HPSE2: variants seen among roughly 807,000 people sequenced by gnomAD.
The protein encoded by HPSE2 is inactive heparanase-2.
In HPSE2, 38 loss-of-function variants were observed where a neutral mutation model predicts 60.5. That is an observed-to-expected ratio of 0.63 (90% confidence interval 0.48 to 0.82). The LOEUF (loss-of-function observed/expected upper bound fraction) is 0.82, where lower values mean the gene tolerates loss of function less well. HPSE2 is among the 40% of genes least tolerant of loss of function. The probability of loss-of-function intolerance (pLI) is 0.00; values close to 1 mark genes in which losing one functional copy is unlikely to be tolerated. For synonymous variants in HPSE2, 295 were observed against 293.2 expected (o/e 1.01, Z -0.06); for missense variants, 713 against 740.4 (o/e 0.96, Z 0.43).
intron 6 of HPSE2, among the ~76,000 whole-genome samples, chr10:98,666,775 AC>A (rs962058546): frequency 1.3e-5 from 2 of 152,182 alleles, no homozygotes; most frequent in African/African-American, 4.8e-5. Flanking sequence ...TTGGGATGCC[AC>A]TAAAGTGGTG....
chr10:98,761,700 CA>C (rs1565144533), intron 3 of HPSE2, among the ~76,000 whole-genome samples: 1 of 152,062 alleles, frequency 6.6e-6, no homozygotes. Flanking sequence ...ATACAAATGG[CA>C]ATGACCTAAG....
chr10:98,889,486 G>C (rs1953271927), intron 3 of HPSE2, among the ~76,000 whole-genome samples: 1 of 152,048 alleles, frequency 6.6e-6, no homozygotes, highest in Non-Finnish European at 1.5e-5. Flanking sequence ...GGGATTACAG[G>C]CGTGAGCCAC....
chr10:98,868,273 T>G (rs1376049324), intron 3 of HPSE2, among the ~76,000 whole-genome samples: 1 of 151,968 alleles, frequency 6.6e-6, no homozygotes, highest in Non-Finnish European at 1.5e-5. Flanking sequence ...TTCTCACTTA[T>G]TTGTGTGATC....
intron 9 of HPSE2, among the ~76,000 whole-genome samples, chr10:98,523,941 A>G (rs1228008529): frequency 1.3e-5 from 2 of 152,146 alleles, no homozygotes; most frequent in Non-Finnish European, 2.9e-5. Context: ...TTGGACCAGA[A>G]AGTACAATAG....
intron 3 of HPSE2, among the ~76,000 whole-genome samples, chr10:98,779,559 C>T (rs1950419349): frequency 6.6e-6 from 1 of 152,106 alleles, no homozygotes; most frequent in South Asian, 2.1e-4. Context: ...CTCCTCTACC[C>T]ACATAAGCTC....
the HPSE2 span, among the ~76,000 whole-genome samples, chr10:99,308,398 G>GAAAAAAAAAAAAA: frequency 9.7e-4 from 55 of 56,428 alleles, no homozygotes; most frequent in Non-Finnish European, 1.4e-3. Context: ...AAAAAAAAAG[G>GAAAAAAAAAAAAA]AAACCATCAA....
chr10:99,136,914 T>G (rs979585272), intron 3 of HPSE2, among the ~76,000 whole-genome samples: 3 of 152,060 alleles, frequency 2.0e-5, no homozygotes, highest in East Asian at 1.9e-4. Flanking sequence ...AAGAAAGAAA[T>G]AAAGCGTATT....
At chr10:98,537,349 C>T (rs916495753) in intron 9 of HPSE2, among the ~76,000 whole-genome samples, 3 of 151,830 alleles carry the variant, frequency 2.0e-5, no homozygotes, top group South Asian at 2.1e-4. Context: ...TGAGTGTGGG[C>T]GGAGGATTAC....
chr10:98,631,848 T>C (rs890566732), intron 7 of HPSE2, among the ~76,000 whole-genome samples: 8 of 152,326 alleles, frequency 5.3e-5, no homozygotes, highest in African/African-American at 1.7e-4. Flanking sequence ...CCTAATATCA[T>C]GATACTCAAC....
rs555662453 is a variant in HPSE2 at position 98,630,200 on chromosome 10, T to G, written c.1099-9492A>C. Among the ~76,000 whole-genome samples, 1,390 of 151,136 alleles carry G rather than the reference T, an allele frequency of 9.2e-3. 21 individuals carry two copies. Among genetic ancestry groups the G allele is most frequent in the African/African-American group, 0.032 (1,320 of 41,182 alleles). ...AAGCAATCGTTTTTTTTTTTGTTTT[T>G]TTTTTTTTTGTTTTTGAGACAGAGT... On this transcript the variant is annotated intron_variant, in intron 7 of 11. Coordinates refer to ENST00000370552, the MANE Select transcript of HPSE2 (RefSeq NM_021828.5).
chr10:98,974,949 T>A (rs558150941), intron 3 of HPSE2, among the ~76,000 whole-genome samples: 1 of 152,230 alleles, frequency 6.6e-6, no homozygotes, highest in Non-Finnish European at 1.5e-5. Flanking sequence ...ATTATTTTGA[T>A]CTTCAACATA....
chr10:98,792,829 TGGGGTAAATACAGC>T (rs1950687890), intron 3 of HPSE2, among the ~76,000 whole-genome samples: 2 of 152,114 alleles, frequency 1.3e-5, no homozygotes, highest in Non-Finnish European at 2.9e-5. Flanking sequence ...ACATTTAATA[TGGGGTAAATACAGC>T]CTCAGAGAGA....
At chr10:98,719,420 G>A (rs1948866242) in intron 5 of HPSE2, among the ~76,000 whole-genome samples, 1 of 152,010 alleles carries the variant, frequency 6.6e-6, no homozygotes, top group Non-Finnish European at 1.5e-5. Context: ...GCCTCAACAT[G>A]TCAGAGAAGA....
intron 9 of HPSE2, among the ~76,000 whole-genome samples, chr10:98,591,269 C>G (rs2133943148): frequency 6.6e-6 from 1 of 152,262 alleles, no homozygotes; most frequent in African/African-American, 2.4e-5. Flanking sequence ...TTACATGGAG[C>G]ACCACGTAAA....
rs1434944417 is a variant in HPSE2 at position 98,490,186 on chromosome 10, A to G, written c.1331T>C (p.Leu444Pro). ...QNFNPLPDYW[L>P]SLLYKRLIGP... ...GATCAGGCGCTTGTAGAGGAGAGAG[A>G]GCCAGTAGTCCTGAGGAGAATAGAG... Residue 444 changes from leucine to proline, a missense_variant, in exon 10 of 12, where the codon CTC (leucine) becomes CCC (proline). Leu to Pro is a moderately conservative substitution (Grantham distance 98, BLOSUM62 -3). Coordinates refer to ENST00000370552, the MANE Select transcript of HPSE2 (RefSeq NM_021828.5). 6.2e-7 allele frequency: 1 copy of G among 1,614,084 alleles called. No homozygotes were observed.
chr10:98,544,297 A>C (rs1209445981), intron 9 of HPSE2, among the ~76,000 whole-genome samples: 1 of 152,226 alleles, frequency 6.6e-6, no homozygotes, highest in Non-Finnish European at 1.5e-5. Flanking sequence ...ACAAAGACAC[A>C]ACATACCAGA....
chr10:99,167,060 G>C (rs530442954), intron 2 of HPSE2, among the ~76,000 whole-genome samples: 1 of 151,892 alleles, frequency 6.6e-6, no homozygotes. Flanking sequence ...GCCCAGGCTG[G>C]AGTACTGTGG....
At chr10:98,737,948 C>T (rs1357063798) in intron 4 of HPSE2, among the ~76,000 whole-genome samples, 1 of 152,190 alleles carries the variant, frequency 6.6e-6, no homozygotes, top group African/African-American at 2.4e-5. Flanking sequence ...CTACCATTGA[C>T]TTTCTTCACA....
chr10:99,091,939 G>A (rs1185227553), intron 3 of HPSE2, among the ~76,000 whole-genome samples: 1 of 152,096 alleles, frequency 6.6e-6, no homozygotes, highest in Non-Finnish European at 1.5e-5. Context: ...TTTGTTACAT[G>A]CATGAGCTCA....
Sources: gnomAD v4.1 joint callset for allele counts (sites outside exome capture counted in the v4.1 genomes callset) on GRCh38, gnomAD v4.1.1 for gene constraint, MANE v1.5 for transcripts, NCBI Gene and HGNC (gene_info 2026-07-23, HGNC 2026-07-21) for gene names.